HERC4: variants seen among roughly 807,000 people sequenced by gnomAD.
HERC4 encodes the protein probable E3 ubiquitin-protein ligase HERC4.
In HERC4, 28 loss-of-function variants were observed where a neutral mutation model predicts 124.3. The ratio of observed to expected loss-of-function variants is 0.23; its 90% CI spans 0.17 to 0.31. HERC4 has a LOEUF of 0.31. HERC4 is among the 10% of genes least tolerant of loss of function. The probability of loss-of-function intolerance (pLI) is 1.00; values close to 1 mark genes in which losing one functional copy is unlikely to be tolerated. For synonymous variants in HERC4, 407 were observed against 421.5 expected, an observed-to-expected ratio of 0.97 and a Z score of 0.42; for missense variants, 713 against 1,229.3, an observed-to-expected ratio of 0.58 and a Z score of 6.28.
chr10:67,968,501 TA>T (rs2035031801), intron 15 of HERC4, among the ~76,000 whole-genome samples: 1 of 151,734 alleles, frequency 6.6e-6, no homozygotes, highest in Non-Finnish European at 1.5e-5. Flanking sequence ...GCCTCCTGAG[TA>T]GCTGGGACTA....
intron 15 of HERC4, 63 bp from the exon 16 acceptor site, chr10:67,966,865 T>A (rs1033857328): frequency 6.8e-6 from 9 of 1,329,478 alleles, no homozygotes; most frequent in Non-Finnish European, 7.0e-6. Flanking sequence ...AAATTTTTTT[T>A]ATTTTTTGAG....
chr10:68,024,918 A>G (rs2038820438), intron 8 of HERC4, among the ~76,000 whole-genome samples: 1 of 152,270 alleles, frequency 6.6e-6, no homozygotes, highest in African/African-American at 2.4e-5. Context: ...AACTCAGAAT[A>G]AGGAGAATTA....
intron 3 of HERC4, among the ~76,000 whole-genome samples, chr10:68,056,764 T>G (rs964311469): frequency 1.2e-4 from 19 of 152,098 alleles, no homozygotes; most frequent in Non-Finnish European, 1.2e-4. Context: ...GAATTTTAGA[T>G]TGAGAGAGGA....
intron 23 of HERC4, among the ~76,000 whole-genome samples, chr10:67,925,490 T>A (rs1399148177): frequency 6.6e-6 from 1 of 152,196 alleles, no homozygotes; most frequent in Non-Finnish European, 1.5e-5. Flanking sequence ...TGACATGGAA[T>A]TATCTGTGAT....
At chr10:67,960,391 A>T (rs114746343) in intron 16 of HERC4, among the ~76,000 whole-genome samples, 4,577 of 148,558 alleles carry the variant, frequency 0.031, 240 homozygotes, top group African/African-American at 0.11. Flanking sequence ...AAAGCCTAAA[A>T]TTTTTTTTTT....
intron 3 of HERC4, among the ~76,000 whole-genome samples, chr10:68,065,793 G>A (rs540643858): frequency 3.3e-5 from 5 of 152,218 alleles, no homozygotes; most frequent in African/African-American, 4.8e-5. Context: ...CAGGGAAGTC[G>A]AGGCTGCATT....
chr10:68,020,227 T>C (rs897859222), intron 8 of HERC4, among the ~76,000 whole-genome samples: 2 of 152,064 alleles, frequency 1.3e-5, no homozygotes, highest in Admixed American at 6.6e-5. Flanking sequence ...CCAGTTACCA[T>C]ATTATTAAAT....
chr10:67,997,037 T>C (rs1319568865), intron 9 of HERC4, among the ~76,000 whole-genome samples: 1 of 151,832 alleles, frequency 6.6e-6, no homozygotes, highest in Non-Finnish European at 1.5e-5. Context: ...AAGAACCCTC[T>C]GAGATAGAAA....
intron 19 of HERC4, among the ~76,000 whole-genome samples, chr10:67,943,495 C>G (rs2033084335): frequency 2.6e-5 from 4 of 152,192 alleles, no homozygotes; most frequent in Admixed American, 2.6e-4. Context: ...CGTACCAATA[C>G]CCGCAATATC....
At chr10:67,997,421 G>A (rs945402346) in intron 9 of HERC4, among the ~76,000 whole-genome samples, 10 of 152,100 alleles carry the variant, frequency 6.6e-5, no homozygotes, top group African/African-American at 2.4e-4. Context: ...ATCATCATCT[G>A]TATTTATTTT....
intron 19 of HERC4, among the ~76,000 whole-genome samples, chr10:67,949,940 A>G (rs1344676877): frequency 6.6e-6 from 1 of 152,004 alleles, no homozygotes; most frequent in Non-Finnish European, 1.5e-5. Context: ...AATCGCTTGA[A>G]CCTGGAAGGT....
intron 15 of HERC4, 110 bp downstream of exon 15, chr10:67,988,553 T>C (rs887516866): frequency 1.5e-5 from 11 of 712,654 alleles, no homozygotes; most frequent in Non-Finnish European, 2.2e-5. Context: ...TTCTATAATA[T>C]GCATTGTTTT....
At chr10:68,024,071 A>C (rs997775245) in intron 8 of HERC4, among the ~76,000 whole-genome samples, 1 of 152,140 alleles carries the variant, frequency 6.6e-6, no homozygotes, top group Non-Finnish European at 1.5e-5. Context: ...CCAATAAAGA[A>C]CTTTTATCCC....
chr10:67,955,290 T>C (rs1236929818), intron 17 of HERC4, 160 bp from the exon 18 acceptor site: 16 of 584,080 alleles, frequency 2.7e-5, no homozygotes, highest in Non-Finnish European at 4.3e-5. Flanking sequence ...TAAAACTTAA[T>C]AAACTGAGCA....
At chr10:67,944,253 T>C (rs2033149843) in intron 19 of HERC4, among the ~76,000 whole-genome samples, 1 of 152,184 alleles carries the variant, frequency 6.6e-6, no homozygotes, top group African/African-American at 2.4e-5. Context: ...GAGCTCAGCA[T>C]AGAAAGACTC....
intron 15 of HERC4, among the ~76,000 whole-genome samples, chr10:67,972,338 ATGGAGAAAC>A (rs2035290767): frequency 6.6e-6 from 1 of 151,450 alleles, no homozygotes; most frequent in South Asian, 2.1e-4. Context: ...CCTGACCAAC[ATGGAGAAAC>A]CCCATCTCTA....
intron 9 of HERC4, among the ~76,000 whole-genome samples, chr10:68,005,674 T>C (rs1436326245): frequency 1.4e-5 from 2 of 147,268 alleles, no homozygotes; most frequent in Non-Finnish European, 3.0e-5. Flanking sequence ...TTTAATTTCC[T>C]TTTTTTTTTT....
intron 15 of HERC4, among the ~76,000 whole-genome samples, chr10:67,969,501 G>A (rs556271446): frequency 1.3e-5 from 2 of 152,206 alleles, no homozygotes; most frequent in South Asian, 2.1e-4. Context: ...AGAATATCAA[G>A]AGCCTCTCTC....
At chr10:68,071,172 G>A (rs1337115951) in intron 3 of HERC4, among the ~76,000 whole-genome samples, 2 of 152,140 alleles carry the variant, frequency 1.3e-5, no homozygotes, top group Non-Finnish European at 2.9e-5. Flanking sequence ...ACCAAATAAT[G>A]GTTCCAGGAT....
Sources: gnomAD v4.1 joint callset for allele counts (sites outside exome capture counted in the v4.1 genomes callset) on GRCh38, gnomAD v4.1.1 for gene constraint, MANE v1.5 for transcripts, NCBI Gene and HGNC (gene_info 2026-07-23, HGNC 2026-07-21) for gene names.